NTM: variants seen among roughly 807,000 people sequenced by gnomAD.
NTM encodes IgLON family member 2.
In NTM, 13 loss-of-function variants were observed where a neutral mutation model predicts 42.1. The observed-to-expected ratio is 0.31, with a 90% CI of 0.20 to 0.49. NTM has a LOEUF of 0.49. Ranked by LOEUF, NTM falls within the 20% of genes least tolerant of loss-of-function variation. NTM has a pLI of 0.99. For missense variants in NTM, 373 were observed against 452.8 expected, an observed-to-expected ratio of 0.82 and a Z score of 1.60; for synonymous variants, 187 against 179.2, an observed-to-expected ratio of 1.04 and a Z score of -0.35.
At chr11:131,850,403 A>G (rs1425129083) in intron 1 of NTM, among the ~76,000 whole-genome samples, 1 of 152,172 alleles carries the variant, frequency 6.6e-6, no homozygotes, top group African/African-American at 2.4e-5. Flanking sequence ...CACTCTGATG[A>G]TACAGTGCTA....
chr11:131,401,799 AATATATATATATATAT>A (rs61167647), intron 1 of NTM, among the ~76,000 whole-genome samples: 920 of 34,954 alleles, frequency 0.026, 78 homozygotes, highest in Admixed American at 0.06. Flanking sequence ...GGCCACTGGA[AATATATATATATATAT>A]ATATATATAT....
In NTM at chr11:131,814,739, G is replaced by C. The variant is rs148797941; in HGVS notation, c.83-96825G>C. Among the ~76,000 whole-genome samples, 955 of 152,152 alleles carry C rather than the reference G, an allele frequency of 6.3e-3. 7 individuals are homozygous for C. Among genetic ancestry groups the C allele is most frequent in the African/African-American group, 0.022 (918 of 41,480 alleles). On this transcript the variant is annotated intron_variant, in intron 1 of 8. Transcript: ENST00000683400. ...TGCGTTTTGCCTCCACTGTCCTGCC[G>C]GGCTACGTCTGCAGCCTAATCCACC...
chr11:131,613,333 C>T (rs1252461069), intron 1 of NTM, among the ~76,000 whole-genome samples: 8 of 152,098 alleles, frequency 5.3e-5, no homozygotes, highest in East Asian at 3.9e-4. Context: ...CCTGGGCCCC[C>T]GCCCAAGTTC....
At chr11:132,206,401 CAT>C (rs1326936808) in intron 3 of NTM, among the ~76,000 whole-genome samples, 1 of 152,166 alleles carries the variant, frequency 6.6e-6, no homozygotes, top group East Asian at 1.9e-4. Flanking sequence ...GTTGACACTG[CAT>C]ATATGTGTTT....
chr11:131,686,760 A>G (rs1207160966), intron 1 of NTM, among the ~76,000 whole-genome samples: 2 of 152,228 alleles, frequency 1.3e-5, no homozygotes, highest in African/African-American at 4.8e-5. Context: ...AGGCTGGCCG[A>G]GAGGCACAGA....
At chr11:132,214,297 C>T (rs892632943) in intron 4 of NTM, among the ~76,000 whole-genome samples, 1 of 152,138 alleles carries the variant, frequency 6.6e-6, no homozygotes, top group Non-Finnish European at 1.5e-5. Context: ...TGGCGGATGC[C>T]AGCCCAGTCT....
chr11:131,609,832 C>T (rs2061327418), intron 1 of NTM, among the ~76,000 whole-genome samples: 1 of 152,188 alleles, frequency 6.6e-6, no homozygotes, highest in South Asian at 2.1e-4. Context: ...GGTTTAAGGT[C>T]ACTCTTCCCT....
At chr11:132,244,274 A>C (rs2090704038) in intron 4 of NTM, among the ~76,000 whole-genome samples, 1 of 152,214 alleles carries the variant, frequency 6.6e-6, no homozygotes, top group Non-Finnish European at 1.5e-5. Context: ...ACTAGGTCTC[A>C]GGTAATGCAA....
chr11:131,825,922 T>C (rs2042076768), intron 1 of NTM, among the ~76,000 whole-genome samples: 1 of 152,160 alleles, frequency 6.6e-6, no homozygotes, highest in African/African-American at 2.4e-5. Flanking sequence ...TGGAGGATTT[T>C]TGAGGTTAGA....
chr11:131,439,933 C>G (rs1451735439), intron 1 of NTM, among the ~76,000 whole-genome samples: 1 of 128,796 alleles, frequency 7.8e-6, no homozygotes, highest in Non-Finnish European at 1.6e-5. Context: ...TCCTATTCGG[C>G]CATCTTAGGC....
At chr11:132,327,341 A>T (rs1439276029) in intron 7 of NTM, among the ~76,000 whole-genome samples, 1 of 152,232 alleles carries the variant, frequency 6.6e-6, no homozygotes, top group Non-Finnish European at 1.5e-5. Flanking sequence ...TAAACCTCAA[A>T]GTGACCATCA....
chr11:132,170,172 AG>A (rs2075921945), intron 3 of NTM, among the ~76,000 whole-genome samples: 1 of 152,000 alleles, frequency 6.6e-6, no homozygotes, highest in Non-Finnish European at 1.5e-5. Context: ...TGTGAAGATC[AG>A]GGTGGAAGAA....
intron 1 of NTM, among the ~76,000 whole-genome samples, chr11:131,873,521 AGT>A (rs71067341): frequency 3.6e-4 from 19 of 52,384 alleles, no homozygotes; most frequent in South Asian, 5.7e-4. Context: ...CAGAACTTAA[AGT>A]GTGTGTGTGT....
intron 1 of NTM, among the ~76,000 whole-genome samples, chr11:131,902,514 C>G (rs2053322055): frequency 6.6e-6 from 1 of 152,172 alleles, no homozygotes; most frequent in African/African-American, 2.4e-5. Flanking sequence ...TCCTGCTTCC[C>G]CAAGGAAAGT....
intron 2 of NTM, among the ~76,000 whole-genome samples, chr11:132,038,871 G>A (rs2076829037): frequency 6.6e-6 from 1 of 152,120 alleles, no homozygotes; most frequent in Non-Finnish European, 1.5e-5. Flanking sequence ...CTCTCCTTCA[G>A]CGTGGAGCCT....
intron 2 of NTM, among the ~76,000 whole-genome samples, chr11:132,104,984 TATATA>T (rs2062160789): frequency 1.2e-4 from 14 of 116,302 alleles, no homozygotes; most frequent in Admixed American, 9.6e-4. Context: ...TATATATATA[TATATA>T]TATTTCATGG....
At chr11:132,183,309 T>C (rs997295854) in intron 3 of NTM, among the ~76,000 whole-genome samples, 2 of 152,150 alleles carry the variant, frequency 1.3e-5, no homozygotes, top group African/African-American at 4.8e-5. Flanking sequence ...CTGGCCACAT[T>C]TGGCAGTGAC....
chr11:131,753,000 G>A (rs1299608210), intron 1 of NTM, among the ~76,000 whole-genome samples: 3 of 152,050 alleles, frequency 2.0e-5, no homozygotes, highest in African/African-American at 7.3e-5. Context: ...ATCTGACAAA[G>A]GGCTAATATC....
At chr11:131,559,816 AG>A (rs1459366011) in intron 1 of NTM, among the ~76,000 whole-genome samples, 17 of 152,304 alleles carry the variant, frequency 1.1e-4, no homozygotes, top group African/African-American at 4.1e-4. Flanking sequence ...GGAACATGAG[AG>A]GCTCACTTTC....
Sources: gnomAD v4.1 joint callset for allele counts (sites outside exome capture counted in the v4.1 genomes callset) on GRCh38, gnomAD v4.1.1 for gene constraint, MANE v1.5 for transcripts, NCBI Gene and HGNC (gene_info 2026-07-23, HGNC 2026-07-21) for gene names.